Variants in ADK observed in about 807,000 individuals in gnomAD.
The protein encoded by ADK is N6,N6-dimethyladenosine kinase.
Under a neutral mutation model 44.7 loss-of-function variants are expected in ADK, and 24 were observed. The ratio of observed to expected loss-of-function variants is 0.54; its 90% CI spans 0.39 to 0.76. The LOEUF is 0.76. Ranked by LOEUF, ADK falls within the 30% of genes least tolerant of loss-of-function variation. The pLI is 0.00. For synonymous variants in ADK, 128 were observed against 142.6 expected, an observed-to-expected ratio of 0.90 and a Z score of 0.73; for missense variants, 321 against 425.1, an observed-to-expected ratio of 0.76 and a Z score of 2.15.
intron 3 of ADK, among the ~76,000 whole-genome samples, chr10:74,289,052 T>G (rs1439278997): frequency 6.6e-6 from 1 of 152,210 alleles, no homozygotes; most frequent in Non-Finnish European, 1.5e-5. Flanking sequence ...GAGTTTATTC[T>G]CAATATTGTT....
chr10:74,424,350 C>T (rs913847575), intron 6 of ADK, among the ~76,000 whole-genome samples: 15 of 151,858 alleles, frequency 9.9e-5, no homozygotes, highest in African/African-American at 3.6e-4. Flanking sequence ...GCCTGACCAA[C>T]ATGGAGAAAC....
chr10:74,156,008 A>C (rs952717839), intron 1 of ADK, among the ~76,000 whole-genome samples: 4 of 152,214 alleles, frequency 2.6e-5, no homozygotes, highest in African/African-American at 9.7e-5. Context: ...AAGGAATGGA[A>C]AACAAAAGTC....
intron 9 of ADK, among the ~76,000 whole-genome samples, chr10:74,610,517 A>G (rs1210269732): frequency 6.6e-6 from 1 of 152,230 alleles, no homozygotes; most frequent in East Asian, 1.9e-4. Context: ...ATATGAATGT[A>G]CAATGGCACT....
At chr10:74,630,577 T>C (rs1853374702) in intron 9 of ADK, among the ~76,000 whole-genome samples, 1 of 152,194 alleles carries the variant, frequency 6.6e-6, no homozygotes, top group African/African-American at 2.4e-5. Flanking sequence ...AATAATATTA[T>C]GCTCTTCTCA....
intron 3 of ADK, among the ~76,000 whole-genome samples, chr10:74,280,761 A>G (rs138451796): frequency 3.1e-4 from 47 of 152,158 alleles, no homozygotes; most frequent in Middle Eastern, 3.4e-3. Flanking sequence ...TTTTGTCACC[A>G]TTATTTTTTT....
chr10:74,622,013 C>CTT (rs1853012216), intron 9 of ADK, among the ~76,000 whole-genome samples: 1 of 152,222 alleles, frequency 6.6e-6, no homozygotes, highest in Non-Finnish European at 1.5e-5. Context: ...AATCACCACT[C>CTT]TGCCTTATGG....
At chr10:74,290,322 C>G (rs1847362152) in intron 3 of ADK, among the ~76,000 whole-genome samples, 1 of 152,108 alleles carries the variant, frequency 6.6e-6, no homozygotes, top group Non-Finnish European at 1.5e-5. Flanking sequence ...GAAAAACTAT[C>G]AGTACTTCTG....
intron 6 of ADK, among the ~76,000 whole-genome samples, chr10:74,403,895 G>A (rs1430924264): frequency 1.3e-5 from 2 of 152,022 alleles, no homozygotes; most frequent in Admixed American, 1.3e-4. Context: ...GTTTTGAGAT[G>A]GAGTCTTGCT....
chr10:74,364,582 TTC>T (rs1259750991), intron 4 of ADK, among the ~76,000 whole-genome samples: 1 of 152,176 alleles, frequency 6.6e-6, no homozygotes, highest in Non-Finnish European at 1.5e-5. Context: ...CAGGTTTTTC[TTC>T]TTTTCTGGCT....
chr10:74,218,441 C>T (rs1490387950), intron 2 of ADK, among the ~76,000 whole-genome samples: 2 of 152,202 alleles, frequency 1.3e-5, no homozygotes, highest in Non-Finnish European at 2.9e-5. Context: ...TTGGAAAACA[C>T]TCTGCAGGAT....
intron 4 of ADK, among the ~76,000 whole-genome samples, chr10:74,374,746 T>G (rs1842767943): frequency 6.6e-6 from 1 of 152,142 alleles, no homozygotes; most frequent in South Asian, 2.1e-4. Flanking sequence ...TCTCTCTGTG[T>G]TTTTTGTGTG....
intron 3 of ADK, among the ~76,000 whole-genome samples, chr10:74,312,293 A>AGT (rs1554841488): frequency 1.1e-4 from 17 of 150,798 alleles, no homozygotes; most frequent in East Asian, 3.9e-4. Context: ...TTGTAGATAG[A>AGT]GTGTGTGTGT....
intron 2 of ADK, among the ~76,000 whole-genome samples, chr10:74,213,853 C>T (rs976340073): frequency 2.0e-5 from 3 of 151,986 alleles, no homozygotes; most frequent in South Asian, 2.1e-4. Context: ...TAACATGGGC[C>T]GGTTTTGCTG....
At chr10:74,171,093 A>G (rs1027127321) in intron 1 of ADK, among the ~76,000 whole-genome samples, 2 of 152,052 alleles carry the variant, frequency 1.3e-5, no homozygotes, top group Non-Finnish European at 2.9e-5. Context: ...TTATGTCCCT[A>G]AAAAGTCTGT....
intron 9 of ADK, among the ~76,000 whole-genome samples, chr10:74,610,602 T>A (rs1034342043): frequency 3.9e-5 from 6 of 151,940 alleles, no homozygotes; most frequent in African/African-American, 9.7e-5. Flanking sequence ...TTTTTCAATT[T>A]AAAAAAAATT....
intron 3 of ADK, among the ~76,000 whole-genome samples, chr10:74,309,192 C>T (rs1840355466): frequency 6.6e-6 from 1 of 151,966 alleles, no homozygotes; most frequent in African/African-American, 2.4e-5. Context: ...TTATTGTTCT[C>T]TTCACTTTTT....
At chr10:74,255,419 T>C (rs1261885749) in intron 3 of ADK, among the ~76,000 whole-genome samples, 1 of 152,146 alleles carries the variant, frequency 6.6e-6, no homozygotes, top group Non-Finnish European at 1.5e-5. Flanking sequence ...GCAACACTTT[T>C]AAGGACACAG....
intron 10 of ADK, among the ~76,000 whole-genome samples, chr10:74,705,846 A>G (rs1357789284): frequency 6.6e-6 from 1 of 152,188 alleles, no homozygotes; most frequent in Non-Finnish European, 1.5e-5. Flanking sequence ...GTGCAGTGGT[A>G]TCTAATTGTG....
chr10:74,352,669 T>C (rs1157631063), intron 4 of ADK, among the ~76,000 whole-genome samples: 1 of 152,156 alleles, frequency 6.6e-6, no homozygotes, highest in Non-Finnish European at 1.5e-5. Context: ...TTTTGCAATC[T>C]ATCCATCTGA....
Sources: allele counts gnomAD v4.1 joint callset (sites outside exome capture counted in the v4.1 genomes callset), GRCh38; gene constraint gnomAD v4.1.1; transcripts MANE v1.5; gene names NCBI Gene and HGNC (gene_info 2026-07-23, HGNC 2026-07-21).